The following KCNC2 variants were observed in gnomAD, a reference collection of about 807,000 sequenced individuals.
KCNC2 encodes the protein voltage-gated potassium channel KCNC2.
Under a neutral mutation model 44.5 loss-of-function variants are expected in KCNC2, and 21 were observed. The observed-to-expected ratio is 0.47, with a 90% CI of 0.33 to 0.68. KCNC2 has a LOEUF of 0.68. Among genes scored for constraint, KCNC2 ranks in the 30% least tolerant of loss-of-function variants. The probability of loss-of-function intolerance (pLI) is 0.01; values close to 1 mark genes in which losing one functional copy is unlikely to be tolerated. For synonymous variants in KCNC2, 391 were observed against 339.1 expected (o/e 1.15, Z -1.68); for missense variants, 589 against 826.2 (o/e 0.71, Z 3.52).
chr12:75,180,059 CT>C (rs1892475640), intron 2 of KCNC2, among the ~76,000 whole-genome samples: 1 of 151,722 alleles, frequency 6.6e-6, no homozygotes, highest in African/African-American at 2.4e-5. Context: ...CTATGTTGTT[CT>C]TTATTATCAA....
At chr12:75,045,079 C>T (rs949971150) in intron 4 of KCNC2, among the ~76,000 whole-genome samples, 1 of 151,908 alleles carries the variant, frequency 6.6e-6, no homozygotes, top group Admixed American at 6.6e-5. Flanking sequence ...CCTATGCCAT[C>T]GAAGTTGACT....
intron 2 of KCNC2, among the ~76,000 whole-genome samples, chr12:75,132,261 T>A (rs930904224): frequency 2.6e-5 from 4 of 152,172 alleles, no homozygotes; most frequent in Non-Finnish European, 5.9e-5. Context: ...GCTATTTCTA[T>A]TGAAAATCAA....
intron 2 of KCNC2, among the ~76,000 whole-genome samples, chr12:75,102,860 TG>T (rs1394749282): frequency 2.6e-5 from 4 of 152,008 alleles, no homozygotes; most frequent in Admixed American, 6.6e-5. Flanking sequence ...AGGGAAACCA[TG>T]CCTTCAATCT....
intron 2 of KCNC2, among the ~76,000 whole-genome samples, chr12:75,126,160 C>A (rs974448304): frequency 2.0e-5 from 3 of 152,042 alleles, no homozygotes; most frequent in African/African-American, 4.8e-5. Flanking sequence ...ACAAATTTGT[C>A]TTTATAGCAT....
intron 2 of KCNC2, among the ~76,000 whole-genome samples, chr12:75,166,012 G>T (rs1230686599): frequency 6.6e-6 from 1 of 151,206 alleles, no homozygotes. Flanking sequence ...AACTACAAAA[G>T]ATATTCATAT....
chr12:75,138,479 C>A (rs1255180020), intron 2 of KCNC2, among the ~76,000 whole-genome samples: 1 of 152,122 alleles, frequency 6.6e-6, no homozygotes. Context: ...AAATAAATTT[C>A]TGGACACCCC....
chr12:75,205,782 G>A (rs2031635116), intron 2 of KCNC2, among the ~76,000 whole-genome samples: 1 of 150,746 alleles, frequency 6.6e-6, no homozygotes, highest in Non-Finnish European at 1.5e-5. Flanking sequence ...TAATGGTCAT[G>A]AGCCTGTGGT....
intron 2 of KCNC2, among the ~76,000 whole-genome samples, chr12:75,147,730 A>G (rs1203645861): frequency 6.6e-6 from 1 of 152,172 alleles, no homozygotes; most frequent in African/African-American, 2.4e-5. Flanking sequence ...GGAAAAAGAC[A>G]TGGATAGATC....
At position 75,042,593 on chromosome 12, in the gene KCNC2, A is replaced by G. The variant is rs1592744165; in HGVS notation, c.*512T>C. 4.5e-6 allele frequency: 6 copies of G among 1,343,034 alleles called. No homozygotes were observed. The East Asian group carries it at 1.8e-4, about 40-fold the overall frequency. 83.2% of individuals were successfully genotyped at this position (1,343,034 alleles called of 1,614,324 possible). A position where few individuals can be genotyped will look rare whatever the true frequency, so the allele number is the denominator to read the frequency against. Reference sequence around the variant, plus strand: ...AGGATGGTTCGATGCAAGTACACATATCCTGAGCTATCCACAGTCCCCGAA... The same window carrying G: ...AGGATGGTTCGATGCAAGTACACATGTCCTGAGCTATCCACAGTCCCCGAA... On this transcript the variant is annotated 3_prime_UTR_variant, in exon 5 of 5. Coordinates refer to ENST00000549446, the MANE Select transcript of KCNC2 (RefSeq NM_139137.4).
chr12:75,042,065 G>C lies in KCNC2; in HGVS notation c.*1040C>G. The stretch of plus-strand genomic sequence containing the variant: ...CAGGAATTTAAGGCTAGTCAAAAAA[G>C]CCTTCTGTGAACACCAGTGACATTT... On this transcript the variant is annotated 3_prime_UTR_variant, in exon 5 of 5. Coordinates refer to ENST00000549446, the MANE Select transcript of KCNC2 (RefSeq NM_139137.4). 1 of 1,180,808 alleles carries C rather than the reference G, an allele frequency of 8.5e-7. No homozygotes were observed. Among genetic ancestry groups the C allele is most frequent in the Non-Finnish European group, 1.0e-6 (1 of 956,476 alleles). 73.1% of individuals were successfully genotyped at this position (1,180,808 alleles called of 1,614,324 possible). A position where few individuals can be genotyped will look rare whatever the true frequency, so the allele number is the denominator to read the frequency against.
chr12:75,101,263 A>T (rs1425278112), intron 2 of KCNC2, among the ~76,000 whole-genome samples: 1 of 152,128 alleles, frequency 6.6e-6, no homozygotes, highest in African/African-American at 2.4e-5. Flanking sequence ...GATAAAAAAT[A>T]TGACCATTAA....
intron 2 of KCNC2, chr12:75,124,190 A>G (rs1269621034): frequency 6.6e-6 from 1 of 152,156 alleles, no homozygotes; most frequent in African/African-American, 2.4e-5. Flanking sequence ...TTATGCTTCA[A>G]AGAAGAACAG....
intron 2 of KCNC2, among the ~76,000 whole-genome samples, chr12:75,068,920 C>T (rs929383947): frequency 3.3e-5 from 5 of 151,988 alleles, no homozygotes; most frequent in East Asian, 1.9e-4. Flanking sequence ...AGGGGGGTTA[C>T]GATAGAAGGA....
At chr12:75,199,649 G>T (rs530352480) in intron 2 of KCNC2, among the ~76,000 whole-genome samples, 1 of 151,842 alleles carries the variant, frequency 6.6e-6, no homozygotes, top group African/African-American at 2.4e-5. Context: ...AACTTTGTTT[G>T]CAGATCTCCA....
chr12:75,099,585 G>A (rs1886208285), intron 2 of KCNC2, among the ~76,000 whole-genome samples: 1 of 152,142 alleles, frequency 6.6e-6, no homozygotes, highest in South Asian at 2.1e-4. Flanking sequence ...AACATATGGT[G>A]TTTACAAGAA....
At chr12:75,142,662 T>C (rs1477126079) in intron 2 of KCNC2, among the ~76,000 whole-genome samples, 1 of 152,198 alleles carries the variant, frequency 6.6e-6, no homozygotes, top group Non-Finnish European at 1.5e-5. Context: ...TTTAGATTGT[T>C]AGCTGGGAGT....
intron 2 of KCNC2, among the ~76,000 whole-genome samples, chr12:75,180,102 T>C (rs1282285290): frequency 6.6e-6 from 1 of 151,970 alleles, no homozygotes; most frequent in Non-Finnish European, 1.5e-5. Context: ...TAATTTTAAA[T>C]ATAGACATTT....
At chr12:75,140,605 G>A (rs1889577839) in intron 2 of KCNC2, among the ~76,000 whole-genome samples, 2 of 151,988 alleles carry the variant, frequency 1.3e-5, no homozygotes, top group African/African-American at 2.4e-5. Flanking sequence ...CAAGGTTTAT[G>A]TCTGTGGAAA....
intron 4 of KCNC2, among the ~76,000 whole-genome samples, 198 bp downstream of exon 4, chr12:75,047,955 C>G (rs1158699595): frequency 6.6e-6 from 1 of 152,008 alleles, no homozygotes; most frequent in Non-Finnish European, 1.5e-5. Context: ...GATGAGATGT[C>G]TTTCAGATAT....
Sources: allele counts gnomAD v4.1 joint callset (sites outside exome capture counted in the v4.1 genomes callset), GRCh38; gene constraint gnomAD v4.1.1; transcripts MANE v1.5; gene names NCBI Gene and HGNC (gene_info 2026-07-23, HGNC 2026-07-21).